Variants in LCK observed in about 807,000 individuals in gnomAD.
The protein encoded by LCK is LCK proto-oncogene, Src family tyrosine kinase.
A neutral mutation model predicts 64.6 loss-of-function variants in LCK; 14 were observed. The ratio of observed to expected loss-of-function variants is 0.22; its 90% CI spans 0.14 to 0.34. The LOEUF (loss-of-function observed/expected upper bound fraction) is 0.34, where lower values mean the gene tolerates loss of function less well. Among genes scored for constraint, LCK ranks in the 10% least tolerant of loss-of-function variants. LCK has a pLI of 1.00. For missense variants in LCK, 434 were observed against 668.1 expected (o/e 0.65, Z 3.86); for synonymous variants, 277 against 263.6 (o/e 1.05, Z -0.49).
chr1:32,279,785 G>A (rs778651319), intron 10 of LCK, 38 bp downstream of exon 10: 3 of 1,611,756 alleles, frequency 1.9e-6, no homozygotes, highest in South Asian at 2.2e-5. Flanking sequence ...CAAGGGAACA[G>A]ACCAGTGACG....
chr1:32,273,342 G>T (rs1375713106), intron 1 of LCK, among the ~76,000 whole-genome samples: 1 of 150,018 alleles, frequency 6.7e-6, no homozygotes, highest in Admixed American at 6.7e-5. Context: ...GATAGGGGGT[G>T]CCTCTGTGTG....
At chr1:32,279,072 G>T (rs563912488) in intron 9 of LCK, among the ~76,000 whole-genome samples, 1 of 152,262 alleles carries the variant, frequency 6.6e-6, no homozygotes, top group East Asian at 1.9e-4. Flanking sequence ...ATGAAACAAG[G>T]TTCCTGTTGT....
At chr1:32,274,892 C>T (rs1557583615) in intron 3 of LCK, 74 bp downstream of exon 3, 4 of 1,613,856 alleles carry the variant, frequency 2.5e-6, no homozygotes, top group Non-Finnish European at 3.4e-6. Flanking sequence ...TCTCCCCCAC[C>T]TACTTTCTCC....
intron 2 of LCK, 145 bp from the exon 3 acceptor site, chr1:32,274,592 C>G (rs982350803): frequency 1.7e-5 from 15 of 904,652 alleles, no homozygotes; most frequent in Middle Eastern, 3.5e-4. Context: ...AGGGAATCTC[C>G]TAAGATCACA....
At chr1:32,264,755 CA>C (rs915064833) in intron 1 of LCK, among the ~76,000 whole-genome samples, 1 of 151,946 alleles carries the variant, frequency 6.6e-6, no homozygotes, top group Non-Finnish European at 1.5e-5. Context: ...TTCTTATTTT[CA>C]AGTTAAAAAA....
intron 1 of LCK, among the ~76,000 whole-genome samples, chr1:32,260,210 G>A (rs913957643): frequency 1.3e-5 from 2 of 151,816 alleles, no homozygotes; most frequent in Non-Finnish European, 2.9e-5. Context: ...ATGAGGTTTC[G>A]CCATGTTGGC....
intron 1 of LCK, among the ~76,000 whole-genome samples, chr1:32,264,285 C>T (rs138179090): frequency 5.9e-5 from 9 of 152,248 alleles, no homozygotes; most frequent in African/African-American, 2.2e-4. Context: ...CTTCCTGCCT[C>T]ACATTCTCCT....
chr1:32,276,534 G>C lies in LCK; in HGVS notation c.784+45G>C, dbSNP rs1640277304. The C allele has an allele frequency of 6.3e-7, 1 of 1,585,964 alleles. No homozygotes were observed. Among genetic ancestry groups the C allele is most frequent in the Admixed American group, 1.7e-5 (1 of 57,470 alleles). ...CTGCCTGGGAAGAGGGGAACGGGAG[G>C]GGCCGCTGAGGTGATGAGAGTCCCA... On this transcript the variant is annotated intron_variant, in intron 8 of 12. Coordinates refer to ENST00000336890, the MANE Select transcript of LCK (RefSeq NM_005356.5). This position sits in a 1 kb window ranked among gnomAD's most constrained non-coding sequence, Gnocchi z 4.6.
At position 32,275,327 on chromosome 1, in the gene LCK, C is replaced by T; in HGVS notation, c.285C>T (p.Gly95=). The T allele has an allele frequency of 6.2e-7, 1 of 1,614,140 alleles. No homozygotes were observed. The highest frequency in any genetic ancestry group is 8.5e-7 in the Non-Finnish European group (1 of 1,180,010). The change falls in exon 5 of 13, where the codon GGC becomes GGT. Residue 95 remains glycine, a synonymous_variant. Coordinates refer to ENST00000336890, the MANE Select transcript of LCK (RefSeq NM_005356.5). The surrounding 1 kb of genome is among the most constrained non-coding windows in gnomAD (Gnocchi z 6.9). ...GEQLRILEQS[G]EWWKAQSLTT... is the part of the protein sequence containing the mutation. ...ACCCACCTCCGTGGCGCAGGAGCGG[C>T]GAGTGGTGGAAGGCGCAGTCCCTGA...
intron 9 of LCK, among the ~76,000 whole-genome samples, chr1:32,279,153 C>A (rs1291201074): frequency 6.6e-6 from 1 of 152,168 alleles, no homozygotes; most frequent in East Asian, 1.9e-4. Flanking sequence ...TTCCAGCATG[C>A]CCATGGGAGT....
At position 32,276,523 on chromosome 1, in the gene LCK, G is replaced by A. The variant is rs370831238; in HGVS notation, c.784+34G>A. 1.1e-4 allele frequency: 173 copies of A among 1,590,468 alleles called. No individual in the cohort carries two copies. Among genetic ancestry groups the A allele is most frequent in the Non-Finnish European group, 1.3e-4 (156 of 1,166,362 alleles). On this transcript the variant is annotated intron_variant, in intron 8 of 12. Transcript: ENST00000336890. The surrounding 1 kb of genome is among the most constrained non-coding windows in gnomAD (Gnocchi z 4.6). ...GGCCTCCAGGACTGCCTGGGAAGAG[G>A]GGAACGGGAGGGGCCGCTGAGGTGA...
intron 1 of LCK, among the ~76,000 whole-genome samples, chr1:32,264,659 TC>T (rs1171802578): frequency 6.6e-6 from 1 of 152,106 alleles, no homozygotes; most frequent in Admixed American, 6.6e-5. Flanking sequence ...CTTTTACCAT[TC>T]CCTGTTCTAC....
intron 2 of LCK, 40 bp from the exon 3 acceptor site, chr1:32,274,697 C>T: frequency 6.7e-7 from 1 of 1,494,398 alleles, no homozygotes; most frequent in Non-Finnish European, 9.1e-7. Flanking sequence ...CTGACCCAAT[C>T]TTCTGCTTTC....
At position 32,275,155 on chromosome 1, in the gene LCK, T is replaced by C; in HGVS notation, c.278+72T>C. ...CGATCTCCGCGACCCGCAGCCCTCC[T>C]GCGGCCCTTGACCAGCTCGGGGTGG... On this transcript the variant is annotated intron_variant, in intron 4 of 12. Coordinates refer to ENST00000336890, the MANE Select transcript of LCK (RefSeq NM_005356.5). This position sits in a 1 kb window ranked among gnomAD's most constrained non-coding sequence, Gnocchi z 6.9. The C allele has an allele frequency of 6.6e-7, 1 of 1,508,056 alleles. No homozygotes were observed. Among genetic ancestry groups the C allele is most frequent in the Non-Finnish European group, 9.1e-7 (1 of 1,095,114 alleles). 93.4% of individuals were successfully genotyped at this position (1,508,056 alleles called of 1,614,324 possible). A position where few individuals can be genotyped will look rare whatever the true frequency, so the allele number is the denominator to read the frequency against.
At chr1:32,274,200 G>T (rs1446141976) in intron 1 of LCK, 125 bp from the exon 2 acceptor site, 2 of 1,534,884 alleles carry the variant, frequency 1.3e-6, no homozygotes, top group Non-Finnish European at 1.7e-6. Flanking sequence ...GCTGGTGAAT[G>T]GGGATCCCAG....
At chr1:32,273,357 TGTGA>T (rs1417506295) in intron 1 of LCK, among the ~76,000 whole-genome samples, 2 of 149,644 alleles carry the variant, frequency 1.3e-5, no homozygotes, top group African/African-American at 4.9e-5. Flanking sequence ...TGTGTGTGTG[TGTGA>T]GAGTGTGTGT....
chr1:32,255,805 T>A (rs7364667), intron 1 of LCK, among the ~76,000 whole-genome samples: 12,102 of 149,056 alleles, frequency 0.081, 571 homozygotes, highest in Non-Finnish European at 0.11. Flanking sequence ...AATTTATTTT[T>A]TTTTTTTTTT....
At chr1:32,259,009 G>C (rs114352097) in intron 1 of LCK, among the ~76,000 whole-genome samples, 349 of 150,922 alleles carry the variant, frequency 2.3e-3, no homozygotes, top group African/African-American at 7.9e-3. Context: ...GGGCCACAGA[G>C]TGAGATACCA....
chr1:32,276,585 C>T lies in LCK; in HGVS notation c.785-22C>T. ...GGACAGCTGCCTGGCGACTTTCCCA[C>T]TCCTTCCCTTCCCCGACCCAGGGTA... On this transcript the variant is annotated intron_variant, in intron 8 of 12. Transcript: ENST00000336890. This position sits in a 1 kb window ranked among gnomAD's most constrained non-coding sequence, Gnocchi z 4.6. 2.5e-6 allele frequency: 4 copies of T among 1,592,694 alleles called. No individual in the cohort carries two copies. Among genetic ancestry groups the T allele is most frequent in the Non-Finnish European group, 3.4e-6 (4 of 1,166,228 alleles).
Sources: gnomAD v4.1 joint callset for allele counts (sites outside exome capture counted in the v4.1 genomes callset) on GRCh38, gnomAD v4.1.1 for gene constraint, Gnocchi (gnomAD v3.1) non-coding constraint, MANE v1.5 for transcripts, NCBI Gene and HGNC (gene_info 2026-07-23, HGNC 2026-07-21) for gene names.